The following CDH19 variants were observed in gnomAD, a reference collection of about 807,000 sequenced individuals.
CDH19 encodes the protein cadherin-19.
Under a neutral mutation model 64.2 loss-of-function variants are expected in CDH19, and 67 were observed. The observed-to-expected ratio is 1.04, with a 90% CI of 0.86 to 1.28. The LOEUF is 1.28. Ranked by LOEUF, CDH19 falls within the 50% of genes most tolerant of loss-of-function variation. The probability of loss-of-function intolerance (pLI) is 0.00; values close to 1 mark genes in which losing one functional copy is unlikely to be tolerated. For synonymous variants in CDH19, 346 were observed against 319.3 expected, an observed-to-expected ratio of 1.08 and a Z score of -0.89; for missense variants, 1,030 against 929.0, an observed-to-expected ratio of 1.11 and a Z score of -1.41.
chr18:66,596,116 T>C (rs1568215254), intron 1 of CDH19: 1 of 152,104 alleles, frequency 6.6e-6, no homozygotes, highest in Admixed American at 6.5e-5. Context: ...TTAATATCTC[T>C]TCATATTAAA....
intron 3 of CDH19, among the ~76,000 whole-genome samples, chr18:66,562,433 T>C (rs1398004308): frequency 1.3e-5 from 2 of 151,954 alleles, no homozygotes; most frequent in East Asian, 3.9e-4. Flanking sequence ...CCGCCACTGA[T>C]CTGACAGGAG....
At chr18:66,535,170 T>C in intron 7 of CDH19, 63 bp from the exon 8 acceptor site, 3 of 1,028,520 alleles carry the variant, frequency 2.9e-6, no homozygotes, top group Non-Finnish European at 4.0e-6. Flanking sequence ...TGTTAGATAA[T>C]ACTCTTTAAG....
At chr18:66,526,030 C>A (rs535109404) in intron 9 of CDH19, among the ~76,000 whole-genome samples, 1 of 152,140 alleles carries the variant, frequency 6.6e-6, no homozygotes, top group Non-Finnish European at 1.5e-5. Context: ...CCCTTAAAAT[C>A]ATAAATAGCA....
intron 1 of CDH19, among the ~76,000 whole-genome samples, chr18:66,588,760 T>C (rs940227871): frequency 6.6e-6 from 1 of 151,502 alleles, no homozygotes; most frequent in Non-Finnish European, 1.5e-5. Flanking sequence ...TTTATCTCAA[T>C]TAGCCTCTGA....
At chr18:66,569,494 C>T (rs1222798539) in intron 2 of CDH19, among the ~76,000 whole-genome samples, 3 of 151,574 alleles carry the variant, frequency 2.0e-5, no homozygotes. Context: ...GGGTTTTAGC[C>T]ATAAAGTATA....
At chr18:66,538,924 G>T (rs1407239288) in intron 7 of CDH19, among the ~76,000 whole-genome samples, 1 of 151,970 alleles carries the variant, frequency 6.6e-6, no homozygotes, top group Non-Finnish European at 1.5e-5. Flanking sequence ...ACCTGCTCAG[G>T]TATGACCTTA....
intron 9 of CDH19, among the ~76,000 whole-genome samples, chr18:66,518,057 T>C (rs1178292499): frequency 6.6e-6 from 1 of 151,956 alleles, no homozygotes; most frequent in Non-Finnish European, 1.5e-5. Context: ...AGAGAAGGCA[T>C]TGTTTTCTTA....
In CDH19 at chr18:66,544,845, G is replaced by A; in HGVS notation, c.834C>T (p.Ile278=). 6.2e-7 allele frequency: 1 copy of A among 1,612,692 alleles called. No homozygotes were observed. Among genetic ancestry groups the A allele is most frequent in the Middle Eastern group, 1.7e-4 (1 of 6,060 alleles). The change falls in exon 6 of 12, where the codon ATC becomes ATT. Residue 278 remains isoleucine, a synonymous_variant. Transcript: ENST00000262150. Reference sequence around the variant, plus strand: ...CTCCTATGTCATTATCATATGCCATGATTGTTCCTATAGAAGTCCCAGTGG... The same window carrying A: ...CTCCTATGTCATTATCATATGCCATAATTGTTCCTATAGAAGTCCCAGTGG... ...SAPTGTSIGT[I]MAYDNDIGEN... is the part of the protein sequence containing the mutation.
Position 66,509,134 on chromosome 18 carries a change from T to A in CDH19, c.1689A>T (p.Thr563=). The A allele has an allele frequency of 6.2e-7, 1 of 1,612,986 alleles. No individual in the cohort carries two copies. Among genetic ancestry groups the A allele is most frequent in the South Asian group, 1.1e-5 (1 of 91,066 alleles). The stretch of plus-strand genomic sequence containing the variant: ...CACAGACATGGATGGTAAGGGTGTT[T>A]GTACTTGTAAGTGACGGGATTCCAT... ...ADNGIPSLTS[T]NTLTIHVCDC... Residue 563 remains threonine (T), a synonymous_variant, in exon 11 of 12, where the codon ACA becomes ACT. Transcript: ENST00000262150.
intron 3 of CDH19, among the ~76,000 whole-genome samples, chr18:66,565,270 A>G (rs2144560011): frequency 6.6e-6 from 1 of 152,090 alleles, no homozygotes; most frequent in South Asian, 2.1e-4. Context: ...CAGTCAGTAA[A>G]AGCCCATCAT....
At chr18:66,602,713 T>C (rs1303113849) in intron 1 of CDH19, among the ~76,000 whole-genome samples, 2 of 151,780 alleles carry the variant, frequency 1.3e-5, no homozygotes, top group Non-Finnish European at 2.9e-5. Context: ...GTGGAAAACA[T>C]ATGTAAAGGA....
In CDH19 at chr18:66,549,030, T is replaced by C. The variant is rs568325446; in HGVS notation, c.775+2064A>G. ...AGGGTATAGGTATTGAGTATTTACA[T>C]TGAGAGGAGGGTAATGGGATTCCCA... is the stretch of plus-strand genomic sequence containing the variant. On this transcript the variant is annotated intron_variant, in intron 5 of 11. Transcript: ENST00000262150. Among the ~76,000 whole-genome samples the C allele has an allele frequency of 8.5e-5, 13 of 152,104 alleles. No homozygotes were observed. In the East Asian group the frequency reaches 1.9e-3, roughly 23 times the overall value.
At chr18:66,571,926 G>GAAAA (rs1383353051) in intron 2 of CDH19, 84 bp downstream of exon 2, 1 of 964,014 alleles carries the variant, frequency 1.0e-6, no homozygotes, top group African/African-American at 1.6e-5. Context: ...TAAAAATGTG[G>GAAAA]AACTCATCAA....
At chr18:66,594,656 C>A (rs1988833574) in intron 1 of CDH19, among the ~76,000 whole-genome samples, 1 of 151,498 alleles carries the variant, frequency 6.6e-6, no homozygotes, top group Admixed American at 6.6e-5. Flanking sequence ...ACATATACAC[C>A]ATGGAATACT....
intron 3 of CDH19, among the ~76,000 whole-genome samples, chr18:66,560,728 G>A (rs181009822): frequency 3.9e-5 from 6 of 152,076 alleles, no homozygotes; most frequent in Admixed American, 3.3e-4. Flanking sequence ...TACTGAAGAA[G>A]GGTAGCATAT....
intron 3 of CDH19, among the ~76,000 whole-genome samples, chr18:66,562,168 C>T (rs772803419): frequency 1.3e-5 from 2 of 151,562 alleles, no homozygotes; most frequent in African/African-American, 2.4e-5. Flanking sequence ...ATGATTAAAG[C>T]GCATTACAGT....
intron 1 of CDH19, among the ~76,000 whole-genome samples, chr18:66,574,479 A>G (rs1378213262): frequency 4.6e-5 from 7 of 151,648 alleles, no homozygotes; most frequent in African/African-American, 1.7e-4. Context: ...GCATATGATT[A>G]ATGGCATATT....
At chr18:66,512,327 C>A (rs1442103173) in intron 9 of CDH19, among the ~76,000 whole-genome samples, 1 of 151,454 alleles carries the variant, frequency 6.6e-6, no homozygotes, top group Non-Finnish European at 1.5e-5. Context: ...TAATTTTCTT[C>A]TTTCAAGACA....
At chr18:66,575,140 C>G (rs998244844) in intron 1 of CDH19, among the ~76,000 whole-genome samples, 1 of 151,750 alleles carries the variant, frequency 6.6e-6, no homozygotes, top group Non-Finnish European at 1.5e-5. Flanking sequence ...CACTCTAATT[C>G]AGAGGATAAG....
Sources: allele counts gnomAD v4.1 joint callset (sites outside exome capture counted in the v4.1 genomes callset), GRCh38; gene constraint gnomAD v4.1.1; transcripts MANE v1.5; gene names NCBI Gene and HGNC (gene_info 2026-07-23, HGNC 2026-07-21).